Variants in TRAPPC9 observed in about 807,000 individuals in gnomAD.
TRAPPC9 encodes trafficking protein particle complex subunit 9, also known as IKK2 binding protein.
Under a neutral mutation model 124.0 loss-of-function variants are expected in TRAPPC9, and 83 were observed. That is an observed-to-expected ratio of 0.67 (90% CI 0.56 to 0.80). The LOEUF (loss-of-function observed/expected upper bound fraction) is 0.80, where lower values mean the gene tolerates loss of function less well. Ranked by LOEUF, TRAPPC9 falls within the 30% of genes least tolerant of loss-of-function variation. The probability of loss-of-function intolerance (pLI) is 0.00; values close to 1 mark genes in which losing one functional copy is unlikely to be tolerated. For missense variants in TRAPPC9, 1,302 were observed against 1,508.3 expected (o/e 0.86, Z 2.27); for synonymous variants, 638 against 617.5 (o/e 1.03, Z -0.49).
chr8:139,800,346 C>G (rs1291509297), intron 21 of TRAPPC9, among the ~76,000 whole-genome samples: 1 of 152,268 alleles, frequency 6.6e-6, no homozygotes, highest in Non-Finnish European at 1.5e-5. Context: ...GAGCTGCCAT[C>G]CTGGGAGCAT....
At chr8:140,410,783 C>A (rs2069679590) in intron 5 of TRAPPC9, among the ~76,000 whole-genome samples, 1 of 150,840 alleles carries the variant, frequency 6.6e-6, no homozygotes, top group South Asian at 2.1e-4. Flanking sequence ...GCAGAGCTTG[C>A]AGTGAGCTGA....
chr8:139,984,531 C>T lies in TRAPPC9; in HGVS notation c.2810+4195G>A, dbSNP rs1387067834. 6.6e-6 allele frequency among the ~76,000 whole-genome samples: 1 copy of T among 152,128 alleles called. No individual in the cohort carries two copies. The highest frequency in any genetic ancestry group is 1.5e-5 in the Non-Finnish European group (1 of 68,022). ...CAGGAGAGAGGTTCGGCTCAGGACT[C>T]TGGGAAGGAACTGGATACTCAAGAC... On this transcript the variant is annotated intron_variant, in intron 19 of 22. Transcript: ENST00000438773. The surrounding 1 kb of genome is among the most constrained non-coding windows in gnomAD (Gnocchi z 4.3).
At chr8:139,747,133 T>A (rs550736619) in intron 21 of TRAPPC9, among the ~76,000 whole-genome samples, 1 of 152,334 alleles carries the variant, frequency 6.6e-6, no homozygotes, top group South Asian at 2.1e-4. Context: ...TCTCTCATTT[T>A]TCATCTTCTC....
intron 21 of TRAPPC9, among the ~76,000 whole-genome samples, chr8:139,858,447 G>A (rs879440186): frequency 1.3e-5 from 2 of 152,226 alleles, no homozygotes; most frequent in African/African-American, 2.4e-5. Context: ...GACTCCAGCC[G>A]CATGCAGCTC....
At chr8:139,759,867 C>T (rs13439449) in intron 21 of TRAPPC9, among the ~76,000 whole-genome samples, 19,583 of 152,114 alleles carry the variant, frequency 0.13, 1,731 homozygotes, top group African/African-American at 0.26. Context: ...CGCAGCCTGC[C>T]GGCAGCCAGC....
intron 17 of TRAPPC9, among the ~76,000 whole-genome samples, chr8:140,190,112 A>G (rs1428426458): frequency 6.6e-6 from 1 of 152,222 alleles, no homozygotes; most frequent in Non-Finnish European, 1.5e-5. Context: ...GTCGGAAACC[A>G]GAAGTGAACA....
rs1282895460 is a variant in TRAPPC9 at position 140,367,825 on chromosome 8, A to C, written c.1351+3139T>G. Among the ~76,000 whole-genome samples, 5 of 152,178 alleles carry C rather than the reference A, an allele frequency of 3.3e-5. No homozygotes were observed. In the South Asian group the frequency reaches 1.0e-3, roughly 32 times the overall value. Reference sequence around the variant, plus strand: ...ACAGTGGGGAAGTCTGTGCGTCTGCAAGGGCAGGAGGTAAGTGGGTCATCA... The same window carrying C: ...ACAGTGGGGAAGTCTGTGCGTCTGCCAGGGCAGGAGGTAAGTGGGTCATCA... On this transcript the variant is annotated intron_variant, in intron 8 of 22. Coordinates refer to ENST00000438773, the MANE Select transcript of TRAPPC9 (RefSeq NM_001160372.4).
At chr8:140,080,995 G>C (rs568801723) in intron 17 of TRAPPC9, among the ~76,000 whole-genome samples, 28 of 152,310 alleles carry the variant, frequency 1.8e-4, no homozygotes, top group African/African-American at 6.3e-4. Flanking sequence ...ACGGTACAAA[G>C]CCTGGACTCC....
At chr8:140,143,190 T>G (rs1355052127) in intron 17 of TRAPPC9, among the ~76,000 whole-genome samples, 1 of 152,204 alleles carries the variant, frequency 6.6e-6, no homozygotes, top group Non-Finnish European at 1.5e-5. Flanking sequence ...TTATCAAAAA[T>G]AGTTCATCTC....
At chr8:140,339,490 T>G (rs1232739191) in intron 9 of TRAPPC9, among the ~76,000 whole-genome samples, 1 of 152,180 alleles carries the variant, frequency 6.6e-6, no homozygotes, top group Non-Finnish European at 1.5e-5. Flanking sequence ...TTCCTACACT[T>G]TTTATAAAGG....
intron 19 of TRAPPC9, among the ~76,000 whole-genome samples, chr8:139,946,329 G>T (rs1336221695): frequency 1.3e-5 from 2 of 152,208 alleles, no homozygotes; most frequent in Admixed American, 1.3e-4. Flanking sequence ...GTTCAATGGG[G>T]CTAAAAATTG....
chr8:140,446,355 T>A (rs1197252821), intron 2 of TRAPPC9, among the ~76,000 whole-genome samples: 4 of 136,320 alleles, frequency 2.9e-5, no homozygotes, highest in African/African-American at 1.1e-4. Context: ...TGAGGTTAAA[T>A]GGAAAGTCTG....
chr8:139,750,755 T>C (rs950371949), intron 21 of TRAPPC9, among the ~76,000 whole-genome samples: 1 of 152,172 alleles, frequency 6.6e-6, no homozygotes, highest in Non-Finnish European at 1.5e-5. Context: ...CCATTCAAAC[T>C]GCACCTGTTC....
chr8:140,131,661 G>C (rs1370149458), intron 17 of TRAPPC9, among the ~76,000 whole-genome samples: 1 of 152,122 alleles, frequency 6.6e-6, no homozygotes, highest in Non-Finnish European at 1.5e-5. Context: ...TCTCCCCTCA[G>C]GGTTCAAACC....
intron 19 of TRAPPC9, among the ~76,000 whole-genome samples, chr8:139,952,157 G>C (rs1475505996): frequency 2.0e-5 from 3 of 152,090 alleles, no homozygotes; most frequent in South Asian, 2.1e-4. Flanking sequence ...TCTTCCTTTT[G>C]CATTTTTGTG....
intron 21 of TRAPPC9, among the ~76,000 whole-genome samples, chr8:139,878,942 C>G (rs1298182532): frequency 6.6e-6 from 1 of 152,250 alleles, no homozygotes; most frequent in Admixed American, 6.5e-5. Flanking sequence ...AAGCAGGAGC[C>G]TGTCTCAAAA....
chr8:140,297,969 TG>T (rs756337403), intron 11 of TRAPPC9, among the ~76,000 whole-genome samples: 17 of 152,208 alleles, frequency 1.1e-4, no homozygotes, highest in Non-Finnish European at 2.5e-4. Flanking sequence ...ACACGTGGTC[TG>T]TGATGTGAAA....
intron 19 of TRAPPC9, among the ~76,000 whole-genome samples, chr8:139,974,355 T>C (rs1836301276): frequency 6.6e-6 from 1 of 152,212 alleles, no homozygotes; most frequent in Non-Finnish European, 1.5e-5. Context: ...GCCTCCGCCA[T>C]GTGACGGGTT....
At chr8:140,299,157 G>A (rs972364225) in intron 11 of TRAPPC9, among the ~76,000 whole-genome samples, 4 of 152,228 alleles carry the variant, frequency 2.6e-5, no homozygotes, top group African/African-American at 7.2e-5. Context: ...ACGAGTTCCT[G>A]GCAAAGGAAA....
Sources: allele counts gnomAD v4.1 joint callset (sites outside exome capture counted in the v4.1 genomes callset), GRCh38; gene constraint gnomAD v4.1.1; non-coding constraint Gnocchi (gnomAD v3.1); transcripts MANE v1.5; gene names NCBI Gene and HGNC (gene_info 2026-07-23, HGNC 2026-07-21).